The following SMTNL2 variants were observed in gnomAD, a reference collection of about 807,000 sequenced individuals.
The protein encoded by SMTNL2 is smoothelin-like protein 2.
Under a neutral mutation model 44.1 loss-of-function variants are expected in SMTNL2, and 43 were observed. The ratio of observed to expected loss-of-function variants is 0.98; its 90% CI spans 0.76 to 1.26. SMTNL2 has a LOEUF of 1.26. Ranked by LOEUF, SMTNL2 falls within the 50% of genes most tolerant of loss-of-function variation. The probability of loss-of-function intolerance (pLI) is 0.00; values close to 1 mark genes in which losing one functional copy is unlikely to be tolerated. For synonymous variants in SMTNL2, 317 were observed against 287.6 expected (o/e 1.10, Z -1.03); for missense variants, 646 against 670.2 (o/e 0.96, Z 0.40).
intron 1 of SMTNL2, among the ~76,000 whole-genome samples, chr17:4,591,652 G>A (rs1344247257): frequency 1.3e-5 from 2 of 152,208 alleles, no homozygotes; most frequent in African/African-American, 2.4e-5. Context: ...GCCTGCTCCC[G>A]TTTCTCAAAC....
chr17:4,585,687 A>G (rs1174981981), intron 1 of SMTNL2, among the ~76,000 whole-genome samples: 3 of 152,224 alleles, frequency 2.0e-5, no homozygotes, highest in Non-Finnish European at 4.4e-5. Context: ...TACCTTGCGC[A>G]TGGGCCACCC....
At position 4,584,911 on chromosome 17, in the gene SMTNL2, C is replaced by G. The variant is rs1909280928; in HGVS notation, c.306C>G (p.Pro102=). The G allele has an allele frequency of 1.5e-6, 2 of 1,292,124 alleles. No homozygotes were observed. The highest frequency in any genetic ancestry group is 3.1e-5 in the African/African-American group (2 of 64,154). The allele number at this position is 1,292,124 out of a possible 1,614,324, so 80.0% of individuals were successfully genotyped here. A position where few individuals can be genotyped will look rare whatever the true frequency, so the allele number is the denominator to read the frequency against. The change falls in exon 1 of 8, where the codon CCC becomes CCG. Residue 102 remains proline (P), a synonymous_variant. Coordinates refer to ENST00000389313, the MANE Select transcript of SMTNL2 (RefSeq NM_001114974.2). ...PVPGTPGTPS[P]PPAPGVPDRA... is the part of the protein sequence containing the mutation. ...CCGGCACTCCCGGCACGCCCAGCCC[C>G]CCGCCCGCGCCCGGGGTTCCCGACC...
intron 4 of SMTNL2, 162 bp from the exon 5 acceptor site, chr17:4,594,983 C>T: frequency 1.1e-6 from 1 of 922,982 alleles, no homozygotes; most frequent in South Asian, 1.6e-5. Flanking sequence ...ATTCAGAAAA[C>T]CTGTCAAACC....
At chr17:4,597,378 C>T in intron 7 of SMTNL2, 55 bp downstream of exon 7, 2 of 1,592,440 alleles carry the variant, frequency 1.3e-6, no homozygotes, top group African/African-American at 1.3e-5. Flanking sequence ...CTGAGCCCAA[C>T]TTCTTCCCCA....
At chr17:4,606,244 C>T (rs1211093957) in intron 7 of SMTNL2, among the ~76,000 whole-genome samples, 1 of 152,042 alleles carries the variant, frequency 6.6e-6, no homozygotes, top group Non-Finnish European at 1.5e-5. Flanking sequence ...GCCTCAGCCT[C>T]CCGAGTAGCT....
At chr17:4,588,840 C>T (rs1434147480) in intron 1 of SMTNL2, among the ~76,000 whole-genome samples, 1 of 152,220 alleles carries the variant, frequency 6.6e-6, no homozygotes, top group African/African-American at 2.4e-5. Context: ...ACCCGAGTCC[C>T]GTACTTTGGC....
Position 4,595,637 on chromosome 17 carries a change from C to A in SMTNL2, c.989+310C>A, listed in dbSNP as rs1355286832. Among the ~76,000 whole-genome samples, 1 of 152,224 alleles carries A rather than the reference C, an allele frequency of 6.6e-6. No homozygotes were observed. The highest frequency in any genetic ancestry group is 1.5e-5 in the Non-Finnish European group (1 of 68,028). Reference sequence around the variant, plus strand: ...GTCTCTGGTGCCGCCAGGCTGCCCTCACACCCACATTCCCCAGGGGTTGTG... The same window carrying A: ...GTCTCTGGTGCCGCCAGGCTGCCCTAACACCCACATTCCCCAGGGGTTGTG... On this transcript the variant is annotated intron_variant, in intron 5 of 7. Coordinates refer to ENST00000389313, the MANE Select transcript of SMTNL2 (RefSeq NM_001114974.2). The surrounding 1 kb of genome is among the most constrained non-coding windows in gnomAD (Gnocchi z 5.1).
intron 1 of SMTNL2, among the ~76,000 whole-genome samples, chr17:4,589,712 A>G (rs182165181): frequency 2.8e-3 from 407 of 147,734 alleles, no homozygotes; most frequent in Admixed American, 5.1e-3. Context: ...TTCTGGAAAA[A>G]CCCCTCAGAC....
rs1397747865 is a variant in SMTNL2, at chr17:4,593,052, C to T, written c.611C>T (p.Ser204Phe). The T allele has an allele frequency of 6.2e-7, 1 of 1,613,970 alleles. No individual in the cohort carries two copies. The highest frequency in any genetic ancestry group is 8.5e-7 in the Non-Finnish European group (1 of 1,180,006). The change falls in exon 3 of 8, where the codon TCT becomes TTT. Residue 204 changes from serine (S) to phenylalanine (F), a missense_variant. Coordinates refer to ENST00000389313, the MANE Select transcript of SMTNL2 (RefSeq NM_001114974.2). ...HQPVTAITRVSDRFSGETSAA... is the reference protein window; with the variant it reads ...HQPVTAITRVFDRFSGETSAA... The stretch of plus-strand genomic sequence containing the variant: ...CCAGTCACGGCCATCACCCGAGTCT[C>T]TGACAGGTTCTCTGGGGAGACCTCA...
chr17:4,588,429 G>T (rs558050209), intron 1 of SMTNL2, among the ~76,000 whole-genome samples: 21 of 152,324 alleles, frequency 1.4e-4, no homozygotes, highest in African/African-American at 5.1e-4. Context: ...GGAATCTTGG[G>T]GGGTACCAGG....
chr17:4,584,797 G>A lies in SMTNL2; in HGVS notation c.192G>A (p.Gln64=), dbSNP rs558818979. 5.5e-4 allele frequency: 723 copies of A among 1,324,376 alleles called. 2 individuals are homozygous for A. Among genetic ancestry groups the A allele is most frequent in the Middle Eastern group, 3.4e-3 (12 of 3,548 alleles). 82.0% of individuals were successfully genotyped at this position (1,324,376 alleles called of 1,614,324 possible). A position where few individuals can be genotyped will look rare whatever the true frequency, so the allele number is the denominator to read the frequency against. Residue 64 remains glutamine (Q), a synonymous_variant, in exon 1 of 8, where the codon CAG becomes CAA. Coordinates refer to ENST00000389313, the MANE Select transcript of SMTNL2 (RefSeq NM_001114974.2). ...TGGCGCGCACGGTGGCCGACCTGCAGCGGGACAACCAGCGGCTGCAGGCGC... is the reference window on the plus strand; with the variant it reads ...TGGCGCGCACGGTGGCCGACCTGCAACGGGACAACCAGCGGCTGCAGGCGC... ...GPLARTVADL[Q]RDNQRLQAQL...
chr17:4,596,152 C>A (rs1034884864), intron 5 of SMTNL2, among the ~76,000 whole-genome samples: 1 of 142,832 alleles, frequency 7.0e-6, no homozygotes, highest in African/African-American at 2.6e-5. Context: ...GTGGCCCAAG[C>A]GTGGTATTGA....
Position 4,598,370 on chromosome 17 carries a change from T to G in SMTNL2, c.1259+1047T>G, listed in dbSNP as rs1317343059. Reference sequence around the variant, plus strand: ...CGGGGCTGCCCAATGCTAAGCTCTCTGAAGCTCAGAGAGAAGTAAGGCCGT... The same window carrying G: ...CGGGGCTGCCCAATGCTAAGCTCTCGGAAGCTCAGAGAGAAGTAAGGCCGT... On this transcript the variant is annotated intron_variant, in intron 7 of 7. Coordinates refer to ENST00000389313, the MANE Select transcript of SMTNL2 (RefSeq NM_001114974.2). This position sits in a 1 kb window ranked among gnomAD's most constrained non-coding sequence, Gnocchi z 4.8. Among the ~76,000 whole-genome samples, 3 of 152,316 alleles carry G rather than the reference T, an allele frequency of 2.0e-5. No homozygotes were observed. The highest frequency in any genetic ancestry group is 4.4e-5 in the Non-Finnish European group (3 of 68,020).
intron 1 of SMTNL2, among the ~76,000 whole-genome samples, chr17:4,589,392 GC>G (rs1474904472): frequency 2.6e-5 from 4 of 152,284 alleles, no homozygotes; most frequent in South Asian, 4.2e-4. Context: ...GACTGTGGGG[GC>G]CGGGGTTCCA....
chr17:4,585,559 C>G (rs1275877849), intron 1 of SMTNL2, among the ~76,000 whole-genome samples: 1 of 152,208 alleles, frequency 6.6e-6, no homozygotes, highest in Non-Finnish European at 1.5e-5. Context: ...AAATCCCTTA[C>G]CGTGAAGGGA....
At position 4,607,567 on chromosome 17, in the gene SMTNL2, C is replaced by A; in HGVS notation, c.*80C>A. On this transcript the variant is annotated 3_prime_UTR_variant, in exon 8 of 8. Coordinates refer to ENST00000389313, the MANE Select transcript of SMTNL2 (RefSeq NM_001114974.2). This position sits in a 1 kb window ranked among gnomAD's most constrained non-coding sequence, Gnocchi z 4.7. ...CTTGCGATTCCCCAGCCAGGATGCC[C>A]CCAGGAGCCTTGCCGTTTGGTGTGA... 6.4e-7 allele frequency: 1 copy of A among 1,565,482 alleles called. No individual in the cohort carries two copies. The highest frequency in any genetic ancestry group is 8.7e-7 in the Non-Finnish European group (1 of 1,153,100).
In SMTNL2 at chr17:4,595,354, C is replaced by T; in HGVS notation, c.989+27C>T. ...TACGGATGCCCACTCACAGACAGGC[C>T]CGGCCCCACGGTGTGCCCAGACCCA... is the stretch of plus-strand genomic sequence containing the variant. On this transcript the variant is annotated intron_variant, in intron 5 of 7. Coordinates refer to ENST00000389313, the MANE Select transcript of SMTNL2 (RefSeq NM_001114974.2). The surrounding 1 kb of genome is among the most constrained non-coding windows in gnomAD (Gnocchi z 5.1). 1.2e-6 allele frequency: 2 copies of T among 1,605,434 alleles called. No individual in the cohort carries two copies. The highest frequency in any genetic ancestry group is 2.2e-5 in the South Asian group (2 of 90,098).
At chr17:4,597,719 A>G (rs558789794) in intron 7 of SMTNL2, among the ~76,000 whole-genome samples, 5 of 152,240 alleles carry the variant, frequency 3.3e-5, no homozygotes, top group Non-Finnish European at 7.3e-5. Context: ...CACAGCTGCC[A>G]GTTAGCAAGG....
chr17:4,585,073 C>A, intron 1 of SMTNL2, 69 bp downstream of exon 1: 1 of 1,266,554 alleles, frequency 7.9e-7, no homozygotes, highest in Admixed American at 4.3e-5. Flanking sequence ...GCCCCTTCGC[C>A]CCGACTGCCT....
Sources: gnomAD v4.1 joint callset for allele counts (sites outside exome capture counted in the v4.1 genomes callset) on GRCh38, gnomAD v4.1.1 for gene constraint, Gnocchi (gnomAD v3.1) non-coding constraint, MANE v1.5 for transcripts, NCBI Gene and HGNC (gene_info 2026-07-23, HGNC 2026-07-21) for gene names.